The following OTUB2 variants were observed in gnomAD, a reference collection of about 807,000 sequenced individuals.
The protein encoded by OTUB2 is ubiquitin thioesterase OTUB2.
In OTUB2, 21 loss-of-function variants were observed where a neutral mutation model predicts 25.1. The observed-to-expected ratio is 0.84, with a 90% CI of 0.59 to 1.21. OTUB2 has a LOEUF of 1.21. Among genes scored for constraint, OTUB2 ranks in the 50% most tolerant of loss-of-function variants. The pLI, the probability that OTUB2 is intolerant of heterozygous loss-of-function variation, is 0.00. For synonymous variants in OTUB2, 122 were observed against 122.8 expected (o/e 0.99, Z 0.04); for missense variants, 283 against 298.0 (o/e 0.95, Z 0.37).
At chr14:94,038,862 A>G in intron 2 of OTUB2, 101 bp from the exon 3 acceptor site, 1 of 1,017,050 alleles carries the variant, frequency 9.8e-7, no homozygotes. Context: ...GGGAGCAGAC[A>G]TTTCCTGGGA....
chr14:94,029,099 C>T (rs148813796), intron 1 of OTUB2, among the ~76,000 whole-genome samples: 2 of 152,232 alleles, frequency 1.3e-5, no homozygotes, highest in African/African-American at 4.8e-5. Context: ...ACTTGCTGTG[C>T]TGTGGGGTTT....
intron 1 of OTUB2, among the ~76,000 whole-genome samples, chr14:94,034,916 G>C (rs1054419664): frequency 6.6e-5 from 10 of 152,230 alleles, no homozygotes; most frequent in Non-Finnish European, 1.5e-4. Context: ...GGGAGGCTAG[G>C]AAAATGGGAA....
intron 3 of OTUB2, among the ~76,000 whole-genome samples, chr14:94,041,583 A>G (rs1224958116): frequency 6.6e-6 from 1 of 151,912 alleles, no homozygotes; most frequent in Non-Finnish European, 1.5e-5. Context: ...AACCGAGACC[A>G]TGTCACTCCC....
intron 1 of OTUB2, among the ~76,000 whole-genome samples, chr14:94,032,551 A>AG: frequency 6.6e-6 from 1 of 151,858 alleles, no homozygotes; most frequent in Non-Finnish European, 1.5e-5. Context: ...ACACGGAAGA[A>AG]AAAAAATGGG....
intron 1 of OTUB2, among the ~76,000 whole-genome samples, chr14:94,035,924 T>C (rs950153606): frequency 2.0e-5 from 3 of 152,122 alleles, no homozygotes; most frequent in African/African-American, 7.2e-5. Context: ...TCCCAGCTTC[T>C]CTCCTGACCT....
chr14:94,026,346 T>C lies in OTUB2; in HGVS notation c.-192T>C. 8.2e-7 allele frequency: 1 copy of C among 1,225,482 alleles called. No individual in the cohort carries two copies. 75.9% of individuals were successfully genotyped at this position (1,225,482 alleles called of 1,614,324 possible). A position where few individuals can be genotyped will look rare whatever the true frequency, so the allele number is the denominator to read the frequency against. Reference sequence around the variant, plus strand: ...CGCCTGAGACGTCAATCGCAGGGCGTGTGTCTTGCTGGGACACAGTGGAGG... The same window carrying C: ...CGCCTGAGACGTCAATCGCAGGGCGCGTGTCTTGCTGGGACACAGTGGAGG... On this transcript the variant is annotated 5_prime_UTR_variant, in exon 1 of 6. Transcript: ENST00000203664.
intron 1 of OTUB2, among the ~76,000 whole-genome samples, chr14:94,032,915 T>C (rs911030692): frequency 6.6e-6 from 1 of 152,138 alleles, no homozygotes. Flanking sequence ...CGAACTGCTA[T>C]GTAGTATTTT....
At chr14:94,035,286 C>CTTTTTTTTTTTTTTTTTTTTTT (rs761154708) in intron 1 of OTUB2, among the ~76,000 whole-genome samples, 4 of 104,040 alleles carry the variant, frequency 3.8e-5, no homozygotes, top group Admixed American at 1.1e-4. Context: ...TTTTTCTTTT[C>CTTTTTTTTTTTTTTTTTTTTTT]TTTTTTTTTT....
At chr14:94,037,221 C>T (rs146141756) in intron 1 of OTUB2, among the ~76,000 whole-genome samples, 159 bp from the exon 2 acceptor site, 6 of 152,282 alleles carry the variant, frequency 3.9e-5, no homozygotes, top group South Asian at 2.1e-4. Context: ...GTGATCCCAA[C>T]GGGCGTCTAG....
intron 1 of OTUB2, among the ~76,000 whole-genome samples, chr14:94,027,849 T>G (rs766317980): frequency 1.1e-4 from 16 of 152,208 alleles, no homozygotes; most frequent in Non-Finnish European, 2.1e-4. Flanking sequence ...AAGCACCAGC[T>G]TCCTGCTTCC....
chr14:94,036,239 A>T (rs1401432114), intron 1 of OTUB2, among the ~76,000 whole-genome samples: 1 of 152,160 alleles, frequency 6.6e-6, no homozygotes, highest in Admixed American at 6.5e-5. Flanking sequence ...TGTGACATGA[A>T]AAAGGCCAGT....
At chr14:94,035,150 A>T (rs911732555) in intron 1 of OTUB2, among the ~76,000 whole-genome samples, 2 of 152,130 alleles carry the variant, frequency 1.3e-5, no homozygotes, top group African/African-American at 4.8e-5. Flanking sequence ...TTTCGCAAAG[A>T]AGGGTCGGTA....
intron 1 of OTUB2, among the ~76,000 whole-genome samples, chr14:94,029,570 C>A (rs1001555725): frequency 2.0e-5 from 3 of 152,182 alleles, no homozygotes; most frequent in African/African-American, 7.2e-5. Flanking sequence ...GAATTAGAGG[C>A]CCACCCTACT....
chr14:94,026,387 G>C lies in OTUB2; in HGVS notation c.-151G>C, dbSNP rs2295215. 4,207 of 1,258,362 alleles carry C rather than the reference G, an allele frequency of 3.3e-3. 109 individuals carry two copies. The East Asian group carries it at 0.065, about 19-fold the overall frequency. The allele number at this position is 1,258,362 out of a possible 1,614,324, so 77.9% of individuals were successfully genotyped here. ...ACAGTGGAGGTCTAACCTTTGGTTT[G>C]CGGAGCGGTCGGGTGTATTCTCCGC... On this transcript the variant is annotated 5_prime_UTR_variant, in exon 1 of 6. Coordinates refer to ENST00000203664, the MANE Select transcript of OTUB2 (RefSeq NM_023112.4).
At chr14:94,035,223 A>T (rs1885029196) in intron 1 of OTUB2, among the ~76,000 whole-genome samples, 1 of 149,848 alleles carries the variant, frequency 6.7e-6, no homozygotes, top group Non-Finnish European at 1.5e-5. Context: ...AAGTGTTTGC[A>T]TGCCCTGTTT....
intron 4 of OTUB2, 72 bp downstream of exon 4, chr14:94,044,127 C>G (rs1885216353): frequency 1.4e-6 from 2 of 1,392,380 alleles, no homozygotes; most frequent in Non-Finnish European, 2.0e-6. Context: ...AGCCCCTACA[C>G]AGCCCACAGC....
chr14:94,037,545 C>T (rs367746055), intron 2 of OTUB2, 70 bp downstream of exon 2: 327 of 1,092,740 alleles, frequency 3.0e-4, no homozygotes, highest in Non-Finnish European at 3.9e-4. Context: ...AATGGTGATG[C>T]CTCTTTGAAG....
intron 1 of OTUB2, among the ~76,000 whole-genome samples, chr14:94,032,834 T>G (rs1464203547): frequency 6.6e-6 from 1 of 152,230 alleles, no homozygotes; most frequent in African/African-American, 2.4e-5. Flanking sequence ...AAAAAATTCC[T>G]TCCTGAGGCT....
chr14:94,026,570 G>A, intron 1 of OTUB2, 30 bp downstream of exon 1: 2 of 1,237,882 alleles, frequency 1.6e-6, no homozygotes, highest in South Asian at 3.8e-5. Context: ...CGCGAAGGGG[G>A]AGCGGGCAGG....
Sources: gnomAD v4.1 joint callset for allele counts (sites outside exome capture counted in the v4.1 genomes callset) on GRCh38, gnomAD v4.1.1 for gene constraint, MANE v1.5 for transcripts, NCBI Gene and HGNC (gene_info 2026-07-23, HGNC 2026-07-21) for gene names.